The following B4GALT5 variants were observed in gnomAD, a reference collection of about 807,000 sequenced individuals.
B4GALT5 encodes beta-1,4-galactosyltransferase 5.
Under a neutral mutation model 45.0 loss-of-function variants are expected in B4GALT5, and 11 were observed. The ratio of observed to expected loss-of-function variants is 0.24; its 90% CI spans 0.15 to 0.40. The LOEUF (loss-of-function observed/expected upper bound fraction) is 0.40, where lower values mean the gene tolerates loss of function less well. B4GALT5 is among the 10% of genes least tolerant of loss of function. The probability of loss-of-function intolerance (pLI) is 1.00; values close to 1 mark genes in which losing one functional copy is unlikely to be tolerated. For missense variants in B4GALT5, 337 were observed against 500.2 expected (o/e 0.67, Z 3.11); for synonymous variants, 185 against 182.9 (o/e 1.01, Z -0.09).
At chr20:49,678,474 A>G (rs1272022499) in intron 1 of B4GALT5, among the ~76,000 whole-genome samples, 2 of 152,218 alleles carry the variant, frequency 1.3e-5, no homozygotes, top group African/African-American at 4.8e-5. Context: ...GCTGCAAGAC[A>G]GGCACCAGCC....
chr20:49,648,451 T>A (rs1347280153), intron 2 of B4GALT5, among the ~76,000 whole-genome samples: 1 of 152,184 alleles, frequency 6.6e-6, no homozygotes, highest in East Asian at 1.9e-4. Context: ...CCCTTTATTT[T>A]AGTTGCCACC....
intron 1 of B4GALT5, among the ~76,000 whole-genome samples, chr20:49,706,953 GCT>G (rs996764135): frequency 2.6e-5 from 4 of 152,128 alleles, no homozygotes; most frequent in East Asian, 1.9e-4. Flanking sequence ...TGGAATTTCT[GCT>G]CTCTCAGAGA....
intron 1 of B4GALT5, among the ~76,000 whole-genome samples, chr20:49,712,912 G>A (rs1392850805): frequency 1.3e-5 from 2 of 150,592 alleles, no homozygotes; most frequent in African/African-American, 2.5e-5. Context: ...GTGGACCTCT[G>A]TAAGGGGAAG....
chr20:49,708,888 C>T (rs939183505), intron 1 of B4GALT5, among the ~76,000 whole-genome samples: 3 of 149,766 alleles, frequency 2.0e-5, no homozygotes, highest in East Asian at 2.0e-4. Context: ...GCTGAGATTG[C>T]GCCACTGCAC....
intron 3 of B4GALT5, 77 bp from the exon 4 acceptor site, chr20:49,643,727 G>A (rs1482491678): frequency 2.7e-6 from 4 of 1,504,690 alleles, no homozygotes; most frequent in Non-Finnish European, 1.8e-6. Context: ...TTAGTCTCTG[G>A]AGAGCGCAAT....
At chr20:49,655,924 G>A (rs1320426553) in intron 2 of B4GALT5, among the ~76,000 whole-genome samples, 5 of 77,256 alleles carry the variant, frequency 6.5e-5, no homozygotes, top group African/African-American at 2.5e-4. Context: ...GCAAAACTCC[G>A]TCTCAAAAAA....
intron 1 of B4GALT5, among the ~76,000 whole-genome samples, chr20:49,667,477 TCTC>T (rs1486417958): frequency 6.6e-6 from 1 of 151,924 alleles, no homozygotes; most frequent in African/African-American, 2.4e-5. Flanking sequence ...ATGGTCTCGA[TCTC>T]CTGACCTTGT....
intron 1 of B4GALT5, among the ~76,000 whole-genome samples, chr20:49,711,128 C>A (rs1451576342): frequency 1.3e-5 from 2 of 151,724 alleles, no homozygotes; most frequent in Non-Finnish European, 2.9e-5. Flanking sequence ...AATGTAACTA[C>A]TCCACATCCT....
intron 1 of B4GALT5, among the ~76,000 whole-genome samples, chr20:49,682,374 C>T (rs1302088022): frequency 6.6e-6 from 1 of 152,220 alleles, no homozygotes; most frequent in Non-Finnish European, 1.5e-5. Context: ...GCAAGTCTGT[C>T]TACACCAGCT....
At chr20:49,656,435 A>G in intron 2 of B4GALT5, 133 bp downstream of exon 2, 1 of 1,128,536 alleles carries the variant, frequency 8.9e-7, no homozygotes, top group Non-Finnish European at 1.3e-6. Flanking sequence ...GAGCTTTTTT[A>G]GCAGTAAAGT....
intron 2 of B4GALT5, among the ~76,000 whole-genome samples, chr20:49,655,945 A>C (rs2085641073): frequency 6.6e-6 from 1 of 151,630 alleles, no homozygotes; most frequent in Non-Finnish European, 1.5e-5. Context: ...AAAAAAAAAA[A>C]AGAAGTAGTC....
intron 1 of B4GALT5, among the ~76,000 whole-genome samples, chr20:49,687,526 C>G (rs966512572): frequency 4.6e-5 from 7 of 152,058 alleles, no homozygotes; most frequent in African/African-American, 1.4e-4. Context: ...CGCGTGTAAT[C>G]CCAGCTACTC....
intron 7 of B4GALT5, 124 bp downstream of exon 7, chr20:49,639,554 T>C (rs1474437299): frequency 4.3e-5 from 61 of 1,406,646 alleles, no homozygotes; most frequent in Non-Finnish European, 5.8e-5. Flanking sequence ...CTTAACCTTT[T>C]AAACTGTAGC....
At chr20:49,642,093 C>T (rs2085579662) in intron 5 of B4GALT5, among the ~76,000 whole-genome samples, 2 of 152,190 alleles carry the variant, frequency 1.3e-5, no homozygotes, top group African/African-American at 4.8e-5. Context: ...GGTTGATTAA[C>T]AGCAGACATG....
chr20:49,642,663 C>G, intron 4 of B4GALT5, 79 bp from the exon 5 acceptor site: 1 of 945,594 alleles, frequency 1.1e-6, no homozygotes, highest in Non-Finnish European at 1.7e-6. Context: ...TGATGAATTG[C>G]TGACCAACCC....
chr20:49,668,050 A>C (rs2085699520), intron 1 of B4GALT5, among the ~76,000 whole-genome samples: 1 of 152,208 alleles, frequency 6.6e-6, no homozygotes, highest in Admixed American at 6.5e-5. Context: ...TTTAAAGAGA[A>C]CTGGGAGGAG....
At chr20:49,689,841 C>T (rs1415176884) in intron 1 of B4GALT5, among the ~76,000 whole-genome samples, 1 of 152,166 alleles carries the variant, frequency 6.6e-6, no homozygotes, top group Non-Finnish European at 1.5e-5. Context: ...AAGCCCCTTT[C>T]CAGTCAATCC....
chr20:49,661,056 T>G (rs1379019970), intron 1 of B4GALT5, among the ~76,000 whole-genome samples: 1 of 152,228 alleles, frequency 6.6e-6, no homozygotes, highest in Non-Finnish European at 1.5e-5. Flanking sequence ...GCTTTCAATC[T>G]AAATTATCTC....
At chr20:49,698,468 C>T (rs1310716995) in intron 1 of B4GALT5, among the ~76,000 whole-genome samples, 1 of 152,036 alleles carries the variant, frequency 6.6e-6, no homozygotes, top group Non-Finnish European at 1.5e-5. Context: ...CAAATAAATC[C>T]CAATCTTCTA....
Sources: gnomAD v4.1 joint callset for allele counts (sites outside exome capture counted in the v4.1 genomes callset) on GRCh38, gnomAD v4.1.1 for gene constraint, MANE v1.5 for transcripts, NCBI Gene and HGNC (gene_info 2026-07-23, HGNC 2026-07-21) for gene names.